SEMA3A: variants seen among roughly 807,000 people sequenced by gnomAD.
The protein encoded by SEMA3A is semaphorin 3A, also known as semaphorin-3A.
Under a neutral mutation model 97.9 loss-of-function variants are expected in SEMA3A, and 29 were observed. The ratio of observed to expected loss-of-function variants is 0.30; its 90% CI spans 0.22 to 0.40. SEMA3A has a LOEUF of 0.40. SEMA3A is among the 10% of genes least tolerant of loss of function. The pLI is 1.00. For missense variants in SEMA3A, 763 were observed against 951.3 expected, an observed-to-expected ratio of 0.80 and a Z score of 2.60; for synonymous variants, 321 against 323.7, an observed-to-expected ratio of 0.99 and a Z score of 0.09.
At chr7:84,379,137 C>T (rs537201062) in intron 1 of SEMA3A, among the ~76,000 whole-genome samples, 13 of 152,152 alleles carry the variant, frequency 8.5e-5, no homozygotes, top group Middle Eastern at 3.4e-3. Context: ...CCGTGTTAGC[C>T]AGGATAGTCT....
chr7:84,262,281 C>A (rs913229491), intron 3 of SEMA3A, among the ~76,000 whole-genome samples: 1 of 152,096 alleles, frequency 6.6e-6, no homozygotes, highest in Non-Finnish European at 1.5e-5. Flanking sequence ...ATGGTACGAG[C>A]CTGGCTCATT....
intron 1 of SEMA3A, among the ~76,000 whole-genome samples, chr7:84,437,952 A>G (rs1270084387): frequency 1.3e-5 from 2 of 152,038 alleles, no homozygotes; most frequent in Non-Finnish European, 2.9e-5. Context: ...ACCTAAAACA[A>G]GTTTTATTTT....
chr7:84,198,413 G>C (rs147304165), upstream of SEMA3A, among the ~76,000 whole-genome samples: 262 of 152,048 alleles, frequency 1.7e-3, 1 homozygote, highest in African/African-American at 6.1e-3. Context: ...GGCTGGCCAG[G>C]TTGGTCTCAA....
chr7:84,062,336 C>T (rs1271390484), intron 4 of SEMA3A, among the ~76,000 whole-genome samples: 1 of 152,074 alleles, frequency 6.6e-6, no homozygotes, highest in Non-Finnish European at 1.5e-5. Flanking sequence ...AAGACATATT[C>T]TATTCAAAAA....
chr7:84,241,413 G>T (rs1799362107), intron 3 of SEMA3A, among the ~76,000 whole-genome samples: 1 of 152,132 alleles, frequency 6.6e-6, no homozygotes, highest in Non-Finnish European at 1.5e-5. Flanking sequence ...CTTTTGAGAA[G>T]TGTCTGCTCA....
In SEMA3A at chr7:84,134,909, G is replaced by T. The variant is rs778113837; in HGVS notation, c.155C>A (p.Ala52Asp). ...GAAGGTATGATAACTGGAGCTGTTGGCCAAGCCATTGAAAGTGATCACATT... is the reference window on the plus strand; with the variant it reads ...GAAGGTATGATAACTGGAGCTGTTGTCCAAGCCATTGAAAGTGATCACATT... ...SNNVITFNGL[A>D]NSSSYHTFLL... The change falls in exon 2 of 17, where the codon GCC becomes GAC. Residue 52 changes from alanine (A) to aspartate (D), a missense_variant. By Grantham distance (126) the Ala-to-Asp change is moderately radical (BLOSUM62 -2). Coordinates refer to ENST00000265362, the MANE Select transcript of SEMA3A (RefSeq NM_006080.3). The T allele has an allele frequency of 5.6e-6, 9 of 1,613,640 alleles. No individual in the cohort carries two copies. The African/African-American group carries it at 1.2e-4, about 22-fold the overall frequency.
intron 1 of SEMA3A, among the ~76,000 whole-genome samples, chr7:84,438,502 G>A (rs563264456): frequency 2.6e-5 from 4 of 152,178 alleles, no homozygotes; most frequent in African/African-American, 4.8e-5. Flanking sequence ...TCTGTGAACC[G>A]TAATGAGCTA....
At chr7:84,061,731 T>A (rs1328972483) in intron 4 of SEMA3A, among the ~76,000 whole-genome samples, 1 of 152,130 alleles carries the variant, frequency 6.6e-6, no homozygotes, top group African/African-American at 2.4e-5. Flanking sequence ...CTCATTTGAA[T>A]TAGGGACGAA....
intron 1 of SEMA3A, among the ~76,000 whole-genome samples, chr7:84,142,880 C>T (rs1796334659): frequency 6.6e-6 from 1 of 152,176 alleles, no homozygotes; most frequent in Non-Finnish European, 1.5e-5. Flanking sequence ...AGAATTCACT[C>T]CTTTTTCTTC....
At chr7:84,433,406 T>G (rs1805040493) in intron 1 of SEMA3A, among the ~76,000 whole-genome samples, 1 of 152,096 alleles carries the variant, frequency 6.6e-6, no homozygotes, top group Non-Finnish European at 1.5e-5. Flanking sequence ...AGACATGAAC[T>G]CATCCTTTTT....
intron 1 of SEMA3A, among the ~76,000 whole-genome samples, chr7:84,376,074 C>T (rs1803088841): frequency 6.6e-6 from 1 of 152,006 alleles, no homozygotes; most frequent in Non-Finnish European, 1.5e-5. Flanking sequence ...ATTAATAGAC[C>T]AGTTTTTTAT....
At chr7:84,301,168 T>G (rs1425119035) in intron 3 of SEMA3A, among the ~76,000 whole-genome samples, 2 of 152,098 alleles carry the variant, frequency 1.3e-5, no homozygotes, top group Admixed American at 1.3e-4. Flanking sequence ...GAGAAAACTT[T>G]TTAACCTTGG....
chr7:84,472,376 T>C (rs967874371), intron 1 of SEMA3A, among the ~76,000 whole-genome samples: 1 of 152,140 alleles, frequency 6.6e-6, no homozygotes, highest in Non-Finnish European at 1.5e-5. Flanking sequence ...GATGTAGATC[T>C]TAAATTGCAA....
intron 1 of SEMA3A, among the ~76,000 whole-genome samples, chr7:84,137,689 T>TAAAA (rs58880773): frequency 1.2e-5 from 1 of 85,266 alleles, no homozygotes; most frequent in African/African-American, 4.5e-5. Flanking sequence ...GGCCAAACTT[T>TAAAA]AAAAAAAAAA....
At chr7:84,309,184 A>G (rs1801250808) in intron 2 of SEMA3A, among the ~76,000 whole-genome samples, 1 of 152,086 alleles carries the variant, frequency 6.6e-6, no homozygotes, top group Admixed American at 6.6e-5. Context: ...GGGTGGTGAT[A>G]AGGGGGAAAT....
At chr7:84,319,912 T>C (rs146546493) in intron 2 of SEMA3A, among the ~76,000 whole-genome samples, 2 of 152,310 alleles carry the variant, frequency 1.3e-5, no homozygotes, top group African/African-American at 4.8e-5. Context: ...ATATATTTTA[T>C]ATTACGCATT....
rs1164539730 is a variant in SEMA3A, at chr7:84,099,298, C to T, written c.453+11172G>A. On this transcript the variant is annotated intron_variant, in intron 4 of 16. Coordinates refer to ENST00000265362, the MANE Select transcript of SEMA3A (RefSeq NM_006080.3). ...TGTTAGCCAGGATGGTCTCGATCTCCTGACCTCGTGATCCGCCCGCCTCGG... is the reference window on the plus strand; with the variant it reads ...TGTTAGCCAGGATGGTCTCGATCTCTTGACCTCGTGATCCGCCCGCCTCGG... Among the ~76,000 whole-genome samples the T allele has an allele frequency of 9.0e-5, 5 of 55,768 alleles. 2 individuals are homozygous for T. The highest frequency in any genetic ancestry group is 3.1e-4 in the Non-Finnish European group (5 of 16,284). 36.6% of individuals were successfully genotyped at this position (55,768 alleles called of 152,430 possible).
chr7:84,133,886 T>TAAA (rs60263065), intron 2 of SEMA3A, among the ~76,000 whole-genome samples: 3 of 78,858 alleles, frequency 3.8e-5, no homozygotes, highest in East Asian at 3.8e-4. Context: ...TCGTCTCTAC[T>TAAA]AAAAAAAAAA....
chr7:84,053,019 G>A (rs941674667), intron 5 of SEMA3A, among the ~76,000 whole-genome samples: 12 of 148,904 alleles, frequency 8.1e-5, no homozygotes, highest in Admixed American at 3.4e-4. Context: ...GTAGTTGAGC[G>A]GTTTTGAGTG....
Sources: allele counts gnomAD v4.1 joint callset (sites outside exome capture counted in the v4.1 genomes callset), GRCh38; gene constraint gnomAD v4.1.1; transcripts MANE v1.5; gene names NCBI Gene and HGNC (gene_info 2026-07-23, HGNC 2026-07-21).